Variants in SYCP1 observed in about 807,000 individuals in gnomAD.
SYCP1 encodes cancer/testis antigen 8.
SYCP1 carries 64 observed loss-of-function variants against 153.1 expected under a neutral mutation model. The observed-to-expected ratio is 0.42, with a 90% CI of 0.34 to 0.51. SYCP1 has a LOEUF of 0.51. Among genes scored for constraint, SYCP1 ranks in the 20% least tolerant of loss-of-function variants. The pLI is 0.06. For synonymous variants in SYCP1, 384 were observed against 341.8 expected, an observed-to-expected ratio of 1.12 and a Z score of -1.36; for missense variants, 997 against 1,049.0, an observed-to-expected ratio of 0.95 and a Z score of 0.68.
intron 12 of SYCP1, among the ~76,000 whole-genome samples, chr1:114,882,550 G>T (rs565922638): frequency 1.1e-4 from 16 of 151,834 alleles, no homozygotes; most frequent in Middle Eastern, 3.4e-3. Flanking sequence ...CTGTTTTATA[G>T]TCCTTTTCTG....
intron 30 of SYCP1, among the ~76,000 whole-genome samples, chr1:114,988,788 C>T (rs2101977303): frequency 6.6e-6 from 1 of 152,056 alleles, no homozygotes; most frequent in African/African-American, 2.4e-5. Context: ...TTTGTAACTT[C>T]AGTTTTTATT....
In SYCP1 at chr1:114,981,532, A is replaced by G. The variant is rs763322059; in HGVS notation, c.2559+20A>G. The G allele has an allele frequency of 1.6e-5, 25 of 1,565,910 alleles. No homozygotes were observed. Among genetic ancestry groups the G allele is most frequent in the Admixed American group, 2.2e-5 (1 of 46,270 alleles). On this transcript the variant is annotated intron_variant, in intron 29 of 31. Transcript: ENST00000369522. ...CCAAAGGTTTGTGTCTAAATTTTCCATGTTAGTAGTAATTTTTTAAATAAA... is the reference window on the plus strand; with the variant it reads ...CCAAAGGTTTGTGTCTAAATTTTCCGTGTTAGTAGTAATTTTTTAAATAAA...
At chr1:114,902,746 A>G (rs576038013) in intron 16 of SYCP1, among the ~76,000 whole-genome samples, 2 of 151,760 alleles carry the variant, frequency 1.3e-5, no homozygotes, top group Admixed American at 6.6e-5. Flanking sequence ...CTTGTTAGCT[A>G]TATGATCAAG....
intron 29 of SYCP1, among the ~76,000 whole-genome samples, chr1:114,984,199 T>A (rs1385228965): frequency 2.6e-5 from 4 of 152,092 alleles, no homozygotes; most frequent in Non-Finnish European, 4.4e-5. Context: ...GCCACTGTAC[T>A]TGGCTTTTGA....
At position 114,912,018 on chromosome 1, in the gene SYCP1, AATT is replaced by A. The variant is rs530859677; in HGVS notation, c.1529+443_1529+445del. 4.3e-3 allele frequency among the ~76,000 whole-genome samples: 652 copies of A among 152,108 alleles called. 2 individuals carry two copies. Among genetic ancestry groups the A allele is most frequent in the Non-Finnish European group, 7.6e-3 (515 of 67,910 alleles). The stretch of plus-strand genomic sequence containing the variant: ...GTTTAATTTGGAGAGAAAGCGGGGA[AATT>A]ATTATTGTATTATTACTCAGAGAAA... On this transcript the variant is annotated intron_variant, in intron 18 of 31. Transcript: ENST00000369522.
chr1:114,856,969 C>A (rs1233746857), intron 3 of SYCP1, among the ~76,000 whole-genome samples: 1 of 144,942 alleles, frequency 6.9e-6, no homozygotes, highest in Non-Finnish European at 1.5e-5. Flanking sequence ...CCCACCACCC[C>A]CAAAACTAGC....
intron 13 of SYCP1, 145 bp downstream of exon 13, chr1:114,885,774 A>G: frequency 3.6e-6 from 2 of 555,384 alleles, no homozygotes; most frequent in South Asian, 2.8e-5. Flanking sequence ...AAAATGCTAT[A>G]GTTTAGAGAC....
intron 8 of SYCP1, among the ~76,000 whole-genome samples, chr1:114,873,875 G>A (rs1423210097): frequency 1.3e-5 from 2 of 152,102 alleles, no homozygotes; most frequent in African/African-American, 4.8e-5. Context: ...GGGATTATAG[G>A]CATGTGGTAC....
At chr1:114,930,987 A>G (rs903217485) in intron 23 of SYCP1, among the ~76,000 whole-genome samples, 1 of 151,946 alleles carries the variant, frequency 6.6e-6, no homozygotes, top group African/African-American at 2.4e-5. Flanking sequence ...TGAAGCTATC[A>G]GTGTAATTTA....
At chr1:114,900,250 T>C (rs929270683) in intron 16 of SYCP1, among the ~76,000 whole-genome samples, 4 of 152,174 alleles carry the variant, frequency 2.6e-5, no homozygotes, top group Non-Finnish European at 5.9e-5. Flanking sequence ...TCTTTAACCT[T>C]AGGCAACAAT....
intron 20 of SYCP1, among the ~76,000 whole-genome samples, chr1:114,921,765 T>A (rs768196719): frequency 3.9e-5 from 6 of 152,214 alleles, no homozygotes; most frequent in Non-Finnish European, 8.8e-5. Context: ...TTCTTATTGC[T>A]CATTAACATT....
chr1:114,933,375 CACACCAAA>C (rs1331140613), intron 23 of SYCP1, among the ~76,000 whole-genome samples: 3 of 152,158 alleles, frequency 2.0e-5, no homozygotes, highest in Non-Finnish European at 4.4e-5. Context: ...AAACAACATC[CACACCAAA>C]ACCCTATCTG....
intron 28 of SYCP1, 73 bp from the exon 29 acceptor site, chr1:114,981,262 CA>C: frequency 8.4e-7 from 1 of 1,186,864 alleles, no homozygotes; most frequent in South Asian, 1.6e-5. Context: ...CTAGTTGCTG[CA>C]CTTTAATTAA....
intron 16 of SYCP1, among the ~76,000 whole-genome samples, chr1:114,900,220 T>G (rs1413440992): frequency 6.6e-6 from 1 of 152,214 alleles, no homozygotes; most frequent in Non-Finnish European, 1.5e-5. Flanking sequence ...TTAACTTTAT[T>G]TTATCTAATT....
chr1:114,899,595 A>G (rs1356400267), intron 16 of SYCP1, among the ~76,000 whole-genome samples: 1 of 152,210 alleles, frequency 6.6e-6, no homozygotes, highest in Admixed American at 6.5e-5. Context: ...GAATAACGAA[A>G]TGTCCAGGGT....
chr1:114,858,796 T>G lies in SYCP1; in HGVS notation c.456+85T>G. On this transcript the variant is annotated intron_variant, in intron 6 of 31. Transcript: ENST00000369522. ...AAGTAGAGTATTAGTTGGGATAAAT[T>G]GGATTGATCTTGTTTTTGTGATGAA... 3.4e-6 allele frequency: 4 copies of G among 1,174,064 alleles called. No individual in the cohort carries two copies. The South Asian group carries it at 6.8e-5, about 20-fold the overall frequency. 72.7% of individuals were successfully genotyped at this position (1,174,064 alleles called of 1,614,324 possible).
Position 114,857,491 on chromosome 1 carries a change from T to C in SYCP1, c.285T>C (p.Asp95=). 1 of 1,597,350 alleles carries C rather than the reference T, an allele frequency of 6.3e-7. No individual in the cohort carries two copies. The highest frequency in any genetic ancestry group is 2.2e-5 in the East Asian group (1 of 44,610). The change falls in exon 5 of 32, where the codon GAT becomes GAC. Residue 95 remains aspartate (D), a synonymous_variant. Coordinates refer to ENST00000369522, the MANE Select transcript of SYCP1 (RefSeq NM_003176.4). ...ATCAGGAAGGACTAAAAGACTCTGATTTGGAGGTCAGAAGATTTCCCATTC... is the reference window on the plus strand; with the variant it reads ...ATCAGGAAGGACTAAAAGACTCTGACTTGGAGGTCAGAAGATTTCCCATTC... ...CHYQEGLKDS[D]LENSEGLSRV...
intron 8 of SYCP1, among the ~76,000 whole-genome samples, chr1:114,872,880 C>A (rs370082399): frequency 6.6e-6 from 1 of 152,216 alleles, no homozygotes; most frequent in African/African-American, 2.4e-5. Context: ...GTCTCCAACT[C>A]CTGGCCTCAA....
intron 7 of SYCP1, 100 bp downstream of exon 7, chr1:114,859,910 A>G: frequency 2.7e-6 from 1 of 364,408 alleles, no homozygotes; most frequent in Non-Finnish European, 4.4e-6. Flanking sequence ...TCTATACGTT[A>G]TATCATATGA....
Sources: gnomAD v4.1 joint callset for allele counts (sites outside exome capture counted in the v4.1 genomes callset) on GRCh38, gnomAD v4.1.1 for gene constraint, MANE v1.5 for transcripts, NCBI Gene and HGNC (gene_info 2026-07-23, HGNC 2026-07-21) for gene names.